ARRDC2: variants seen among roughly 807,000 people sequenced by gnomAD.
ARRDC2 encodes the protein arrestin domain-containing protein 2.
Under a neutral mutation model 38.9 loss-of-function variants are expected in ARRDC2, and 39 were observed. The observed-to-expected ratio is 1.00, with a 90% CI of 0.78 to 1.31. ARRDC2 has a LOEUF of 1.31. ARRDC2 is among the 50% of genes most tolerant of loss of function. The probability of loss-of-function intolerance (pLI) is 0.00; values close to 1 mark genes in which losing one functional copy is unlikely to be tolerated. For synonymous variants in ARRDC2, 300 were observed against 261.9 expected, an observed-to-expected ratio of 1.15 and a Z score of -1.41; for missense variants, 553 against 588.4, an observed-to-expected ratio of 0.94 and a Z score of 0.62.
At chr19:18,005,551 T>C (rs889837727), upstream of ARRDC2, among the ~76,000 whole-genome samples, 9 of 151,326 alleles carry the variant, frequency 5.9e-5, no homozygotes, top group Non-Finnish European at 1.3e-4. Flanking sequence ...GGCTCCTCAC[T>C]TCCCAGTAGG....
chr19:18,008,716 G>A lies in ARRDC2; in HGVS notation c.280G>A (p.Gly94Arg), dbSNP rs764482910. 1.5e-5 allele frequency: 25 copies of A among 1,612,980 alleles called. No homozygotes were observed. The highest frequency in any genetic ancestry group is 5.0e-5 in the Admixed American group (3 of 59,976). The change falls in exon 2 of 8, where the codon GGG becomes AGG. Residue 94 changes from glycine to arginine, a missense_variant. Gly to Arg is a moderately radical substitution (Grantham distance 125). This residue lies in a region of ARRDC2 where 447 missense variants were observed against 456.6 expected (regional missense o/e 0.98). Coordinates refer to ENST00000222250, the MANE Select transcript of ARRDC2 (RefSeq NM_015683.2). Reference sequence around the variant, plus strand: ...CCTTTTTCTCCTACCTGCAGATACCGGGGAGACCACGACGCTGCCTCCTGG... The same window carrying A: ...CCTTTTTCTCCTACCTGCAGATACCAGGGAGACCACGACGCTGCCTCCTGG... ...HRATLLAPDT[G>R]ETTTLPPGRH... is the part of the protein sequence containing the mutation.
rs1435063181 is a variant in ARRDC2, at chr19:18,013,842, C to T, written c.*876C>T. 1 of 152,246 alleles carries T rather than the reference C, an allele frequency of 6.6e-6. No homozygotes were observed. 9.4% of individuals were successfully genotyped at this position (152,246 alleles called of 1,614,324 possible). ...GCTCCCTGTTAAACGATGAAGAATT[C>T]AAGACAGTGACAGCATTACGTCACC... On this transcript the variant is annotated 3_prime_UTR_variant, in exon 8 of 8. Coordinates refer to ENST00000222250, the MANE Select transcript of ARRDC2 (RefSeq NM_015683.2).
chr19:18,008,909 T>TCCTTCTC (rs1373289351), intron 2 of ARRDC2, 62 bp from the exon 3 acceptor site: 4 of 1,604,982 alleles, frequency 2.5e-6, no homozygotes, highest in Non-Finnish European at 3.4e-6. Flanking sequence ...TGTCTGTGTC[T>TCCTTCTC]CCTTCTCCCT....
Position 18,009,995 on chromosome 19 carries a change from TC to T in ARRDC2, c.807del (p.Ile270SerfsTer32), listed in dbSNP as rs1174457601. The T allele has an allele frequency of 1.2e-6, 2 of 1,602,232 alleles. No homozygotes were observed. Among genetic ancestry groups the T allele is most frequent in the South Asian group, 2.2e-5 (2 of 91,044 alleles). On this transcript the variant is annotated frameshift_variant, in exon 5 of 8. Transcript: ENST00000222250. LOFTEE classifies it high-confidence loss of function. ...ACTGCGGATCCCCCCAGTGGGTCCT[TC>T]CATCCTGCACTGCCGCGTTCTACAC... is the stretch of plus-strand genomic sequence containing the variant. The part of the protein sequence containing the change: ...RALRIPPVGP[S>X]ILHCRVLHVD...
At chr19:18,010,470 G>A in intron 6 of ARRDC2, 102 bp from the exon 7 acceptor site, 3 of 1,556,772 alleles carry the variant, frequency 1.9e-6, no homozygotes. Context: ...AGGACATACA[G>A]CCTGGCAGCC....
At chr19:18,002,053 C>G (rs1280283882) in intron 1 of ARRDC2, among the ~76,000 whole-genome samples, 4 of 152,114 alleles carry the variant, frequency 2.6e-5, no homozygotes, top group Admixed American at 6.5e-5. Context: ...GGGGACCCTC[C>G]TATTAGAGTC....
upstream of ARRDC2, chr19:18,008,115 G>GTGGGGGGC: frequency 7.4e-6 from 6 of 810,030 alleles, no homozygotes; most frequent in Non-Finnish European, 8.5e-6. Context: ...AAGAGACGGT[G>GTGGGGGGC]ACCCCACCCC....
chr19:18,009,457 A>G (rs926593588), intron 3 of ARRDC2, 135 bp from the exon 4 acceptor site: 8 of 778,352 alleles, frequency 1.0e-5, no homozygotes, highest in Non-Finnish European at 1.7e-5. Flanking sequence ...TATTTAACGG[A>G]TAGTTCCTGG....
chr19:18,008,645 G>T lies in ARRDC2; in HGVS notation c.274+61G>T, dbSNP rs113762904. The stretch of plus-strand genomic sequence containing the variant: ...TGTGCCTCCCACCACCTGGACGGCG[G>T]TACCTCCGTCAGCCCTGGGACCCCA... On this transcript the variant is annotated intron_variant, in intron 1 of 7. Coordinates refer to ENST00000222250, the MANE Select transcript of ARRDC2 (RefSeq NM_015683.2). 24 of 1,603,318 alleles carry T rather than the reference G, an allele frequency of 1.5e-5. 1 individual carries two copies. Among genetic ancestry groups the T allele is most frequent in the African/African-American group, 1.2e-4 (9 of 74,874 alleles).
intron 1 of ARRDC2, chr19:18,001,708 C>T: frequency 2.8e-6 from 3 of 1,074,156 alleles, no homozygotes; most frequent in Non-Finnish European, 3.6e-6. Flanking sequence ...ACCCCCTTCC[C>T]GGGGTCCTGA....
At position 18,010,687 on chromosome 19, in the gene ARRDC2, C is replaced by T. The variant is rs777672049; in HGVS notation, c.1128C>T (p.Tyr376=). Reference sequence around the variant, plus strand: ...GCCTTGAAGGCCCGTTCTTCGCCTACATCCAAGAGTTCCGCTACCGCCCGC... The same window carrying T: ...GCCTTGAAGGCCCGTTCTTCGCCTATATCCAAGAGTTCCGCTACCGCCCGC... ...DMSLEGPFFA[Y]IQEFRYRPPP... The change falls in exon 7 of 8, where the codon TAC becomes TAT. Residue 376 remains tyrosine (Y), a synonymous_variant. Coordinates refer to ENST00000222250, the MANE Select transcript of ARRDC2 (RefSeq NM_015683.2). 38 of 1,613,820 alleles carry T rather than the reference C, an allele frequency of 2.4e-5. No individual in the cohort carries two copies. The highest frequency in any genetic ancestry group is 5.3e-5 in the African/African-American group (4 of 74,942).
rs1422354294 is a variant in ARRDC2 at position 18,013,228 on chromosome 19, C to G, written c.*262C>G. 2.2e-6 allele frequency: 1 copy of G among 455,378 alleles called. No homozygotes were observed. The highest frequency in any genetic ancestry group is 3.9e-6 in the Non-Finnish European group (1 of 255,180). 28.2% of individuals were successfully genotyped at this position (455,378 alleles called of 1,614,324 possible). A position where few individuals can be genotyped will look rare whatever the true frequency, so the allele number is the denominator to read the frequency against. ...GAGAGACTGTTTAATAACCTGTCTT[C>G]CCAGCCAATTGGTGGTGCTGGAATC... On this transcript the variant is annotated 3_prime_UTR_variant, in exon 8 of 8. Coordinates refer to ENST00000222250, the MANE Select transcript of ARRDC2 (RefSeq NM_015683.2).
upstream of ARRDC2, chr19:18,008,147 G>T (rs2033319862): frequency 1.1e-5 from 4 of 372,998 alleles, no homozygotes; most frequent in East Asian, 4.1e-4. Context: ...CCGTATAAAA[G>T]CGGCGCCGAC....
chr19:18,011,200 G>A (rs1599401820), intron 7 of ARRDC2, among the ~76,000 whole-genome samples: 1 of 152,302 alleles, frequency 6.6e-6, no homozygotes, highest in Non-Finnish European at 1.5e-5. Flanking sequence ...GTTTCACCAT[G>A]TTGGTCAGGC....
rs2033321333 is a variant in ARRDC2, at chr19:18,008,179, C to T, written c.-132C>T. On this transcript the variant is annotated 5_prime_UTR_variant, in exon 1 of 8. Coordinates refer to ENST00000222250, the MANE Select transcript of ARRDC2 (RefSeq NM_015683.2). Reference sequence around the variant, plus strand: ...CGACGCACGGCGCGGGGATTTTCTGCTCCGGTTGGTGAGCGCGCCTGCGCG... The same window carrying T: ...CGACGCACGGCGCGGGGATTTTCTGTTCCGGTTGGTGAGCGCGCCTGCGCG... 1 of 1,218,666 alleles carries T rather than the reference C, an allele frequency of 8.2e-7. No homozygotes were observed. Among genetic ancestry groups the T allele is most frequent in the Non-Finnish European group, 1.0e-6 (1 of 964,734 alleles). 75.5% of individuals were successfully genotyped at this position (1,218,666 alleles called of 1,614,324 possible).
upstream of ARRDC2, among the ~76,000 whole-genome samples, chr19:18,006,900 C>T (rs2033290934): frequency 6.6e-6 from 1 of 152,180 alleles, no homozygotes; most frequent in South Asian, 2.1e-4. Flanking sequence ...GAAACCTGGC[C>T]TAAGGTCCCA....
chr19:18,007,915 T>G, upstream of ARRDC2: 1 of 308,782 alleles, frequency 3.2e-6, no homozygotes. Flanking sequence ...CTGCACCTCT[T>G]TTTTTCCTCT....
chr19:18,008,816 G>T, intron 2 of ARRDC2, 39 bp downstream of exon 2: 1 of 1,608,950 alleles, frequency 6.2e-7, no homozygotes, highest in Non-Finnish European at 8.5e-7. Flanking sequence ...TAAGCCTGCA[G>T]CCCCTTCCAG....
chr19:18,006,362 T>C (rs568806897), upstream of ARRDC2, among the ~76,000 whole-genome samples: 1 of 152,290 alleles, frequency 6.6e-6, no homozygotes, highest in Admixed American at 6.5e-5. Flanking sequence ...AACGAGACTC[T>C]GTCTGCAATC....
Sources: allele counts gnomAD v4.1 joint callset (sites outside exome capture counted in the v4.1 genomes callset), GRCh38; gene constraint gnomAD v4.1.1; regional missense constraint gnomAD v4.1.1; transcripts MANE v1.5; gene names NCBI Gene and HGNC (gene_info 2026-07-23, HGNC 2026-07-21).